Variants in PPFIBP2 observed in about 807,000 individuals in gnomAD.
The protein encoded by PPFIBP2 is liprin-beta-2.
PPFIBP2 carries 118 observed loss-of-function variants against 118.3 expected under a neutral mutation model. That is an observed-to-expected ratio of 1.00 (90% CI 0.86 to 1.16). The LOEUF is 1.16. PPFIBP2 is among the 50% of genes most tolerant of loss of function. The pLI is 0.00. For missense variants in PPFIBP2, 1,195 were observed against 1,073.1 expected (o/e 1.11, Z -1.59); for synonymous variants, 414 against 397.4 (o/e 1.04, Z -0.50).
chr11:7,592,963 C>T (rs189121711), intron 3 of PPFIBP2, among the ~76,000 whole-genome samples, 169 bp from the exon 4 acceptor site: 86 of 152,306 alleles, frequency 5.6e-4, no homozygotes, highest in Admixed American at 1.8e-3. Flanking sequence ...ATCTGGTTCT[C>T]CTCATGGTAG....
At chr11:7,592,844 G>A (rs966430398) in intron 3 of PPFIBP2, among the ~76,000 whole-genome samples, 9 of 152,204 alleles carry the variant, frequency 5.9e-5, no homozygotes, top group Non-Finnish European at 1.0e-4. Flanking sequence ...AGCATGTCAA[G>A]TCAAGCACTG....
rs1034640420 is a variant in PPFIBP2, at chr11:7,597,588, C to T, written c.401C>T (p.Ala134Val). 2 of 1,613,908 alleles carry T rather than the reference C, an allele frequency of 1.2e-6. No homozygotes were observed. The highest frequency in any genetic ancestry group is 8.5e-7 in the Non-Finnish European group (1 of 1,179,970). The change falls in exon 5 of 24, where the codon GCC becomes GTC. Residue 134 changes from alanine (A) to valine (V), a missense_variant. Ala to Val is a moderately conservative substitution (Grantham distance 64, BLOSUM62 0). Coordinates refer to ENST00000299492, the MANE Select transcript of PPFIBP2 (RefSeq NM_003621.5). ...QVSVLTDQVE[A>V]QGEKIRDLEV... is the part of the protein sequence containing the mutation. ...AGTGTCCTCACAGACCAAGTAGAAG[C>T]CCAGGGAGAAAAGATTCGAGACCTG...
chr11:7,539,315 T>A, intron 1 of PPFIBP2: 1 of 152,532 alleles, frequency 6.6e-6, no homozygotes, highest in Non-Finnish European at 1.5e-5. Context: ...GCCTTGTCCC[T>A]CATTGTGATA....
intron 16 of PPFIBP2, 31 bp from the exon 17 acceptor site, chr11:7,642,267 T>C (rs1852300307): frequency 6.2e-7 from 1 of 1,612,034 alleles, no homozygotes; most frequent in Admixed American, 1.7e-5. Flanking sequence ...GACTATTCCA[T>C]GACCGTCTCC....
intron 2 of PPFIBP2, among the ~76,000 whole-genome samples, chr11:7,553,655 A>T (rs72849063): frequency 6.6e-6 from 1 of 152,286 alleles, no homozygotes; most frequent in Admixed American, 6.5e-5. Context: ...ATAAAATAGC[A>T]GTAATAATAG....
At chr11:7,562,940 TATATATA>T (rs1564976338) in intron 2 of PPFIBP2, among the ~76,000 whole-genome samples, 10 of 74,178 alleles carry the variant, frequency 1.3e-4, no homozygotes, top group African/African-American at 6.5e-4. Flanking sequence ...TATATATATA[TATATATA>T]TATATATATA....
intron 1 of PPFIBP2, among the ~76,000 whole-genome samples, chr11:7,536,581 G>A (rs186320394): frequency 2.0e-5 from 3 of 152,042 alleles, no homozygotes; most frequent in Non-Finnish European, 4.4e-5. Context: ...GAGAGAAGGG[G>A]AATCAAGTGG....
At chr11:7,652,553 G>C (rs1854197064) in intron 23 of PPFIBP2, among the ~76,000 whole-genome samples, 1 of 152,198 alleles carries the variant, frequency 6.6e-6, no homozygotes, top group South Asian at 2.1e-4. Context: ...TATGTCTGGG[G>C]GAGTCAGGCA....
chr11:7,571,444 G>T (rs964040953), intron 3 of PPFIBP2, among the ~76,000 whole-genome samples: 16 of 151,758 alleles, frequency 1.1e-4, no homozygotes, highest in Admixed American at 6.6e-5. Context: ...GAGAGAAAAA[G>T]CTGTTTTATG....
intron 6 of PPFIBP2, among the ~76,000 whole-genome samples, chr11:7,613,076 G>C (rs1379891948): frequency 1.3e-5 from 2 of 152,176 alleles, no homozygotes; most frequent in Non-Finnish European, 2.9e-5. Context: ...GTGTGGTTTG[G>C]AACAGGCAGG....
intron 6 of PPFIBP2, among the ~76,000 whole-genome samples, chr11:7,619,439 G>A (rs1849077874): frequency 6.6e-6 from 1 of 152,204 alleles, no homozygotes; most frequent in African/African-American, 2.4e-5. Flanking sequence ...GATCCAAGAG[G>A]CAGGCAGGGA....
chr11:7,535,844 A>G (rs7127725), intron 1 of PPFIBP2, among the ~76,000 whole-genome samples: 71,809 of 151,940 alleles, frequency 0.47, 17,982 homozygotes, highest in African/African-American at 0.63. Flanking sequence ...CATCCCTGCA[A>G]GGGGAGACCA....
chr11:7,631,342 G>C (rs1308228332), intron 11 of PPFIBP2: 1 of 241,348 alleles, frequency 4.1e-6, no homozygotes. Context: ...GGTGATGTTT[G>C]ATTTATCTAC....
In PPFIBP2 at chr11:7,629,482, G is replaced by A. The variant is rs373489711; in HGVS notation, c.912G>A (p.Thr304=). 2.5e-5 allele frequency: 40 copies of A among 1,613,976 alleles called. No homozygotes were observed. In the Middle Eastern group the frequency reaches 4.9e-4, roughly 20 times the overall value. ...EDKDRRIEEL[T]GLLNQYRKVK... ...AGGACCGTCGGATAGAGGAGCTTAC[G>A]GGGCTGTTAAACCAGTACCGGAAGG... The change falls in exon 10 of 24, where the codon ACG becomes ACA. Residue 304 remains threonine, a synonymous_variant. Transcript: ENST00000299492.
intron 8 of PPFIBP2, among the ~76,000 whole-genome samples, chr11:7,626,562 A>G (rs760377332): frequency 1.3e-5 from 2 of 152,252 alleles, no homozygotes; most frequent in Non-Finnish European, 2.9e-5. Flanking sequence ...AGCCCAGCAC[A>G]ATATTTGGCC....
In PPFIBP2 at chr11:7,616,678, T is replaced by G. The variant is rs1590619340; in HGVS notation, c.619-4257T>G. Reference sequence around the variant, plus strand: ...ATGGATAAGTGTGATGTGTGCCATATGTCCCCTGTGCATAGGTGCTGACAC... The same window carrying G: ...ATGGATAAGTGTGATGTGTGCCATAGGTCCCCTGTGCATAGGTGCTGACAC... On this transcript the variant is annotated intron_variant, in intron 6 of 23. Transcript: ENST00000299492. This position sits in a 1 kb window ranked among gnomAD's most constrained non-coding sequence, Gnocchi z 5.2. Among the ~76,000 whole-genome samples the G allele has an allele frequency of 1.3e-5, 2 of 152,178 alleles. No homozygotes were observed. Among genetic ancestry groups the G allele is most frequent in the African/African-American group, 4.8e-5 (2 of 41,448 alleles).
chr11:7,664,937 G>C, the PPFIBP2 span, among the ~76,000 whole-genome samples: 1 of 152,124 alleles, frequency 6.6e-6, no homozygotes, highest in Non-Finnish European at 1.5e-5. Flanking sequence ...TAGTGCCATG[G>C]AGAGATTCTT....
the PPFIBP2 span, chr11:7,665,820 G>T: frequency 7.8e-6 from 12 of 1,529,532 alleles, no homozygotes; most frequent in Non-Finnish European, 1.1e-5. Flanking sequence ...AACACAACGA[G>T]GTATACCGAG....
intron 14 of PPFIBP2, among the ~76,000 whole-genome samples, chr11:7,636,232 A>C (rs1851430712): frequency 6.6e-6 from 1 of 152,160 alleles, no homozygotes; most frequent in African/African-American, 2.4e-5. Flanking sequence ...CATATGAAAC[A>C]TGGAGCTTCT....
Sources: gnomAD v4.1 joint callset for allele counts (sites outside exome capture counted in the v4.1 genomes callset) on GRCh38, gnomAD v4.1.1 for gene constraint, Gnocchi (gnomAD v3.1) non-coding constraint, MANE v1.5 for transcripts, NCBI Gene and HGNC (gene_info 2026-07-23, HGNC 2026-07-21) for gene names.